Variants in KIF18A observed in about 807,000 individuals in gnomAD.
KIF18A encodes kinesin family member 18A.
Under a neutral mutation model 103.3 loss-of-function variants are expected in KIF18A, and 67 were observed. The observed-to-expected ratio is 0.65, with a 90% confidence interval of 0.53 to 0.79. KIF18A has a LOEUF of 0.79. Among genes scored for constraint, KIF18A ranks in the 30% least tolerant of loss-of-function variants. The probability of loss-of-function intolerance (pLI) is 0.00; values close to 1 mark genes in which losing one functional copy is unlikely to be tolerated. For missense variants in KIF18A, 1,032 were observed against 1,062.5 expected (o/e 0.97, Z 0.40); for synonymous variants, 367 against 355.5 (o/e 1.03, Z -0.36).
At chr11:28,024,705 C>T (rs372184296) in intron 15 of KIF18A, among the ~76,000 whole-genome samples, 1 of 151,784 alleles carries the variant, frequency 6.6e-6, no homozygotes, top group South Asian at 2.1e-4. Flanking sequence ...GATCTGGGTC[C>T]TGAAAAACAG....
Position 28,077,064 on chromosome 11 carries a change from G to T in KIF18A, c.1368C>A (p.Tyr456Ter). The T allele has an allele frequency of 6.3e-7, 1 of 1,577,516 alleles. No homozygotes were observed. The highest frequency in any genetic ancestry group is 8.6e-7 in the Non-Finnish European group (1 of 1,163,796). ...LLKENELKSF[Y>*]QQQCHKQIEM... Reference sequence around the variant, plus strand: ...CTATTTGTTTATGGCACTGTTGTTGGTAGAATGATTTAAGTTCATTTTCTT... The same window carrying T: ...CTATTTGTTTATGGCACTGTTGTTGTTAGAATGATTTAAGTTCATTTTCTT... The change falls in exon 10 of 17, where the codon TAC becomes TAA. Residue 456 changes from tyrosine (Y) to a stop codon, truncating the protein, a stop_gained. Coordinates refer to ENST00000263181, the MANE Select transcript of KIF18A (RefSeq NM_031217.4). LOFTEE classifies it high-confidence loss of function.
intron 1 of KIF18A, among the ~76,000 whole-genome samples, chr11:28,104,548 A>T (rs1399212938): frequency 6.6e-6 from 1 of 152,160 alleles, no homozygotes; most frequent in Non-Finnish European, 1.5e-5. Context: ...GGCTTTCCCT[A>T]AAGAATCTAT....
At chr11:28,070,600 C>A (rs926903440) in intron 10 of KIF18A, among the ~76,000 whole-genome samples, 9 of 152,184 alleles carry the variant, frequency 5.9e-5, no homozygotes, top group Non-Finnish European at 1.2e-4. Flanking sequence ...ATTATAATAT[C>A]CTAGTCTCTG....
rs376139720 is a variant in KIF18A at position 28,084,665 on chromosome 11, C to G, written c.1041G>C (p.Lys347Asn). 72 of 1,612,540 alleles carry G rather than the reference C, an allele frequency of 4.5e-5. No homozygotes were observed. Among genetic ancestry groups the G allele is most frequent in the Non-Finnish European group, 5.9e-5 (69 of 1,178,952 alleles). Residue 347 changes from lysine (K) to asparagine (N), a missense_variant, in exon 7 of 17, where the codon AAG (lysine) becomes AAC (asparagine). Transcript: ENST00000263181. ...VFYDDTYNTL[K>N]YANRAKDIKS... ...TAATGTCCTTTGCCCGGTTAGCATA[C>G]TTAAGAGTGTTATATGTGTCATCGT... is the stretch of plus-strand genomic sequence containing the variant.
chr11:28,092,174 C>A (rs1851314778), intron 3 of KIF18A, among the ~76,000 whole-genome samples: 1 of 152,100 alleles, frequency 6.6e-6, no homozygotes, highest in Admixed American at 6.5e-5. Context: ...CTGGGAAATG[C>A]AGGTTGTATG....
intron 9 of KIF18A, among the ~76,000 whole-genome samples, chr11:28,077,500 A>G (rs917983836): frequency 1.3e-5 from 2 of 152,202 alleles, no homozygotes; most frequent in African/African-American, 4.8e-5. Flanking sequence ...CTTAGCAAAA[A>G]TAAAATAATT....
At chr11:28,073,748 A>T (rs952436348) in intron 10 of KIF18A, among the ~76,000 whole-genome samples, 1 of 152,128 alleles carries the variant, frequency 6.6e-6, no homozygotes, top group Non-Finnish European at 1.5e-5. Flanking sequence ...TATCATTTTT[A>T]TTATTTTTAT....
intron 10 of KIF18A, among the ~76,000 whole-genome samples, chr11:28,073,733 T>C (rs1294554895): frequency 2.0e-5 from 3 of 152,192 alleles, no homozygotes; most frequent in African/African-American, 7.2e-5. Flanking sequence ...AAGCATATAG[T>C]GCCTTATCAT....
At chr11:28,047,240 T>A (rs1850648253) in intron 13 of KIF18A, among the ~76,000 whole-genome samples, 1 of 151,850 alleles carries the variant, frequency 6.6e-6, no homozygotes, top group Admixed American at 6.6e-5. Context: ...ACAAGTCAAA[T>A]CCAAATAATT....
chr11:28,037,174 A>C (rs1850504520), intron 13 of KIF18A, among the ~76,000 whole-genome samples: 1 of 151,510 alleles, frequency 6.6e-6, no homozygotes, highest in Admixed American at 6.6e-5. Flanking sequence ...TTTGGGTGTC[A>C]GTGACCAGTT....
chr11:28,090,804 C>A, intron 4 of KIF18A, 77 bp from the exon 5 acceptor site: 4 of 719,202 alleles, frequency 5.6e-6, no homozygotes, highest in Admixed American at 4.8e-5. Flanking sequence ...GTTCAAAAAA[C>A]AAAAAGATTT....
chr11:28,095,128 A>C (rs1425518935), intron 2 of KIF18A, among the ~76,000 whole-genome samples: 2 of 152,222 alleles, frequency 1.3e-5, no homozygotes, highest in African/African-American at 4.8e-5. Context: ...CTTTATGAAA[A>C]AGAAATTGGA....
chr11:28,092,308 T>C (rs555850616), intron 3 of KIF18A, among the ~76,000 whole-genome samples: 1 of 152,320 alleles, frequency 6.6e-6, no homozygotes, highest in Non-Finnish European at 1.5e-5. Flanking sequence ...GTGGTATTTG[T>C]TTCGGTTATC....
At chr11:28,050,387 G>A (rs1396360979) in intron 13 of KIF18A, among the ~76,000 whole-genome samples, 3 of 151,632 alleles carry the variant, frequency 2.0e-5, no homozygotes, top group East Asian at 1.9e-4. Flanking sequence ...TGGAAGATTT[G>A]GTTTATTAAC....
chr11:28,058,872 A>G, intron 13 of KIF18A, 54 bp downstream of exon 13: 1 of 1,318,570 alleles, frequency 7.6e-7, no homozygotes. Context: ...TGATATACAA[A>G]GGTTCTCTTT....
intron 6 of KIF18A, among the ~76,000 whole-genome samples, chr11:28,085,029 T>C (rs1851209827): frequency 6.6e-6 from 1 of 152,182 alleles, no homozygotes. Flanking sequence ...ATCACTATTA[T>C]AAACATTATT....
chr11:28,025,132 G>C (rs943042375), intron 15 of KIF18A, among the ~76,000 whole-genome samples: 16 of 152,070 alleles, frequency 1.1e-4, no homozygotes, highest in East Asian at 9.7e-4. Flanking sequence ...TTGACCATGG[G>C]TAACTGAAAC....
chr11:28,022,437 TA>T (rs111413247), intron 16 of KIF18A, among the ~76,000 whole-genome samples: 1 of 152,020 alleles, frequency 6.6e-6, no homozygotes, highest in Admixed American at 6.6e-5. Context: ...GCTAATTTTT[TA>T]AAATTTTTTT....
chr11:28,028,640 C>T (rs1850352853), intron 15 of KIF18A, among the ~76,000 whole-genome samples: 2 of 152,080 alleles, frequency 1.3e-5, no homozygotes, highest in Admixed American at 1.3e-4. Flanking sequence ...AGAGCAAACA[C>T]ATTAAAAAGC....
Sources: gnomAD v4.1 joint callset for allele counts (sites outside exome capture counted in the v4.1 genomes callset) on GRCh38, gnomAD v4.1.1 for gene constraint, MANE v1.5 for transcripts, NCBI Gene and HGNC (gene_info 2026-07-23, HGNC 2026-07-21) for gene names.